PRKAR2B: variants seen among roughly 807,000 people sequenced by gnomAD.
PRKAR2B encodes the protein cAMP-dependent protein kinase type II-beta regulatory subunit.
A neutral mutation model predicts 49.9 loss-of-function variants in PRKAR2B; 14 were observed. The ratio of observed to expected loss-of-function variants is 0.28; its 90% confidence interval spans 0.19 to 0.44. The LOEUF is 0.44. Among genes scored for constraint, PRKAR2B ranks in the 20% least tolerant of loss-of-function variants. PRKAR2B has a pLI of 1.00. For synonymous variants in PRKAR2B, 196 were observed against 197.7 expected (o/e 0.99, Z 0.07); for missense variants, 393 against 537.9 (o/e 0.73, Z 2.67).
At position 107,092,700 on chromosome 7, in the gene PRKAR2B, G is replaced by A. The variant is rs150089183; in HGVS notation, c.343+22384G>A. ...TTTAAAATTTAAAAAATTTATCTAT[G>A]TATTTTTATTACAATTTTAAACATA... On this transcript the variant is annotated intron_variant, in intron 2 of 10. Coordinates refer to ENST00000265717, the MANE Select transcript of PRKAR2B (RefSeq NM_002736.3). Among the ~76,000 whole-genome samples the A allele has an allele frequency of 8.7e-3, 1,316 of 152,074 alleles. 14 individuals carry two copies. The highest frequency in any genetic ancestry group is 0.012 in the Admixed American group (183 of 15,262).
chr7:107,045,127 G>A lies in PRKAR2B; in HGVS notation c.220G>A (p.Val74Ile), dbSNP rs1421255359. ...CGGGGGCGGCACCCCCAGCAAGGGG[G>A]TCAACTTCGCCGAGGAGCCCATGCA... ...AAGGGTPSKG[V>I]NFAEEPMQSD... is the part of the protein sequence containing the mutation. Residue 74 changes from valine (V) to isoleucine (I), a missense_variant, in exon 1 of 11, where the codon GTC (valine) becomes ATC (isoleucine). Physicochemically the swap from Val to Ile is conservative, Grantham distance 29. Around this residue, in one of 2 missense-constraint regions of PRKAR2B, gnomAD observed 160 missense variants for 147.6 expected, o/e 1.08. Transcript: ENST00000265717. The A allele has an allele frequency of 3.3e-6, 5 of 1,523,174 alleles. No individual in the cohort carries two copies. The highest frequency in any genetic ancestry group is 4.4e-6 in the Non-Finnish European group (5 of 1,138,164). The allele number at this position is 1,523,174 out of a possible 1,614,324, so 94.4% of individuals were successfully genotyped here.
At chr7:107,108,517 C>T (rs932407981) in intron 2 of PRKAR2B, among the ~76,000 whole-genome samples, 3 of 152,172 alleles carry the variant, frequency 2.0e-5, no homozygotes, top group African/African-American at 7.2e-5. Flanking sequence ...GGCCTTGTTC[C>T]CTCTTCTTGG....
intron 2 of PRKAR2B, among the ~76,000 whole-genome samples, chr7:107,114,324 CTGTGTGTGTGTGTGTGTGTGTGTGTGTG>C (rs58110858): frequency 0.01 from 1,356 of 130,934 alleles, 28 homozygotes; most frequent in African/African-American, 0.036. Context: ...GCATGTACAG[CTGTGTGTGTGTGTGTGTGTGTGTGTGTG>C]TGTGTGTGTG....
chr7:107,071,393 T>C lies in PRKAR2B; in HGVS notation c.343+1077T>C, dbSNP rs1794274981. 2.6e-5 allele frequency among the ~76,000 whole-genome samples: 4 copies of C among 152,258 alleles called. No homozygotes were observed. The South Asian group carries it at 8.3e-4, about 31-fold the overall frequency. On this transcript the variant is annotated intron_variant, in intron 2 of 10. Transcript: ENST00000265717. ...GGTCTATAAGGATAATATGCTATAT[T>C]GGAATAACATCTACTTTATCATTCT...
chr7:107,117,109 T>C (rs988929440), intron 2 of PRKAR2B, among the ~76,000 whole-genome samples: 1 of 150,564 alleles, frequency 6.6e-6, no homozygotes, highest in African/African-American at 2.4e-5. Context: ...AAATACCGTA[T>C]ATCTGTTTAT....
chr7:107,052,190 G>T (rs2536494), intron 1 of PRKAR2B, among the ~76,000 whole-genome samples: 73,850 of 151,994 alleles, frequency 0.49, 19,439 homozygotes, highest in African/African-American at 0.7. Context: ...AGGCCGATGC[G>T]GGCGGATCAC....
chr7:107,046,558 C>A (rs1009279707), intron 1 of PRKAR2B, among the ~76,000 whole-genome samples: 2 of 152,166 alleles, frequency 1.3e-5, no homozygotes, highest in African/African-American at 4.8e-5. Flanking sequence ...TTTTGGACTT[C>A]TAAATGTTTC....
At chr7:107,150,366 AT>A (rs869293282) in intron 6 of PRKAR2B, among the ~76,000 whole-genome samples, 36 of 152,052 alleles carry the variant, frequency 2.4e-4, no homozygotes, top group African/African-American at 8.7e-4. Flanking sequence ...TTAAATAAAA[AT>A]TTTTTTTATG....
intron 1 of PRKAR2B, among the ~76,000 whole-genome samples, chr7:107,058,198 G>A (rs1793951811): frequency 6.6e-6 from 1 of 152,156 alleles, no homozygotes; most frequent in African/African-American, 2.4e-5. Flanking sequence ...TTAAATTTAA[G>A]GTTTAGCAGG....
rs1219918968 is a variant in PRKAR2B, at chr7:107,148,706, TTA to T, written c.742-2213_742-2212del. Reference sequence around the variant, plus strand: ...AAGGTCAACAGACTGGAGGTCTGCCTTATAAATACAGGTGTGTAAAGATAAGC... The same window carrying T: ...AAGGTCAACAGACTGGAGGTCTGCCTTAAATACAGGTGTGTAAAGATAAGC... On this transcript the variant is annotated intron_variant, in intron 6 of 10. Transcript: ENST00000265717. 5.1e-4 allele frequency among the ~76,000 whole-genome samples: 78 copies of T among 152,296 alleles called. 2 individuals carry two copies. The South Asian group carries it at 0.011, about 21-fold the overall frequency.
intron 2 of PRKAR2B, among the ~76,000 whole-genome samples, chr7:107,112,260 G>C (rs1440751792): frequency 6.9e-6 from 1 of 145,298 alleles, no homozygotes; most frequent in Admixed American, 6.8e-5. Flanking sequence ...CAAGAAACAA[G>C]TAAGTTTGCT....
At chr7:107,087,961 A>G (rs1373042575) in intron 2 of PRKAR2B, among the ~76,000 whole-genome samples, 1 of 152,194 alleles carries the variant, frequency 6.6e-6, no homozygotes, top group East Asian at 1.9e-4. Flanking sequence ...TACTCTGTTA[A>G]CCCCATTTTC....
chr7:107,103,543 G>A (rs1795014609), intron 2 of PRKAR2B, among the ~76,000 whole-genome samples: 1 of 152,194 alleles, frequency 6.6e-6, no homozygotes, highest in African/African-American at 2.4e-5. Flanking sequence ...CAGATAGCCT[G>A]AGGCTGGGTC....
Position 107,159,869 on chromosome 7 carries a change from A to G in PRKAR2B, c.*287A>G, listed in dbSNP as rs1325158940. 7.1e-6 allele frequency: 2 copies of G among 280,454 alleles called. No individual in the cohort carries two copies. Among genetic ancestry groups the G allele is most frequent in the East Asian group, 6.6e-5 (1 of 15,082 alleles). 17.4% of individuals were successfully genotyped at this position (280,454 alleles called of 1,614,324 possible). On this transcript the variant is annotated 3_prime_UTR_variant, in exon 11 of 11. Transcript: ENST00000265717. ...AAAATGATTGTAATATATAGAAAGT[A>G]TCTGTGTTTAAGAAGATAATTAAAG...
At chr7:107,113,760 G>A (rs1019020600) in intron 2 of PRKAR2B, among the ~76,000 whole-genome samples, 3 of 152,000 alleles carry the variant, frequency 2.0e-5, no homozygotes, top group African/African-American at 7.3e-5. Context: ...GTAAAATACC[G>A]TGGATTACAT....
intron 2 of PRKAR2B, among the ~76,000 whole-genome samples, chr7:107,105,541 G>T (rs1226687925): frequency 6.6e-6 from 1 of 152,214 alleles, no homozygotes; most frequent in African/African-American, 2.4e-5. Flanking sequence ...CACTGAGAAG[G>T]CTGCTCCCTT....
chr7:107,066,786 G>A (rs371564071), intron 1 of PRKAR2B: 1 of 151,748 alleles, frequency 6.6e-6, no homozygotes, highest in Non-Finnish European at 1.5e-5. Flanking sequence ...ATGTTGGCCC[G>A]GCTGGTCTTG....
intron 2 of PRKAR2B, among the ~76,000 whole-genome samples, chr7:107,105,178 C>T (rs550155007): frequency 2.0e-5 from 3 of 152,238 alleles, no homozygotes; most frequent in South Asian, 2.1e-4. Flanking sequence ...GCAGCTCTAC[C>T]GGGAACTTCC....
intron 2 of PRKAR2B, among the ~76,000 whole-genome samples, chr7:107,115,590 T>A (rs1795257538): frequency 6.6e-6 from 1 of 152,188 alleles, no homozygotes; most frequent in Admixed American, 6.5e-5. Flanking sequence ...ATTATGAACT[T>A]CCCACCTATT....
Sources: allele counts gnomAD v4.1 joint callset (sites outside exome capture counted in the v4.1 genomes callset), GRCh38; gene constraint gnomAD v4.1.1; regional missense constraint gnomAD v4.1.1; transcripts MANE v1.5; gene names NCBI Gene and HGNC (gene_info 2026-07-23, HGNC 2026-07-21).